Variants in LRBA observed in about 807,000 individuals in gnomAD.
LRBA encodes lipopolysaccharide-responsive and beige-like anchor protein.
A neutral mutation model predicts 330.0 loss-of-function variants in LRBA; 176 were observed. That is an observed-to-expected ratio of 0.53 (90% CI 0.47 to 0.60). The LOEUF (loss-of-function observed/expected upper bound fraction) is 0.60, where lower values mean the gene tolerates loss of function less well. Ranked by LOEUF, LRBA falls within the 20% of genes least tolerant of loss-of-function variation. The probability of loss-of-function intolerance (pLI) is 0.00; values close to 1 mark genes in which losing one functional copy is unlikely to be tolerated. For missense variants in LRBA, 3,259 were observed against 3,444.8 expected (o/e 0.95, Z 1.35); for synonymous variants, 1,230 against 1,193.0 (o/e 1.03, Z -0.64).
intron 28 of LRBA, among the ~76,000 whole-genome samples, chr4:150,837,318 G>A (rs1450219099): frequency 6.6e-6 from 1 of 152,128 alleles, no homozygotes; most frequent in Non-Finnish European, 1.5e-5. Flanking sequence ...GGTCCACTTG[G>A]TGCAGAGCTG....
chr4:150,928,682 T>C, intron 3 of LRBA, 66 bp from the exon 4 acceptor site: 3 of 1,380,600 alleles, frequency 2.2e-6, no homozygotes, highest in East Asian at 4.8e-5. Context: ...TAAAATAAAC[T>C]GTGCTTATTT....
At chr4:150,754,632 T>C (rs970493182) in intron 35 of LRBA, among the ~76,000 whole-genome samples, 17 of 152,020 alleles carry the variant, frequency 1.1e-4, no homozygotes, top group Admixed American at 1.1e-3. Flanking sequence ...AAACAACTGT[T>C]TACAAGATGT....
chr4:150,435,849 C>A (rs1248809894), intron 45 of LRBA, 141 bp from the exon 46 acceptor site: 2 of 491,166 alleles, frequency 4.1e-6, no homozygotes, highest in Non-Finnish European at 7.0e-6. Flanking sequence ...AGAATTATAT[C>A]TAAATTATTA....
intron 14 of LRBA, among the ~76,000 whole-genome samples, chr4:150,899,371 T>C (rs1308800262): frequency 1.3e-5 from 2 of 152,122 alleles, no homozygotes; most frequent in Non-Finnish European, 2.9e-5. Flanking sequence ...GTGAGACAAA[T>C]TCAGTCCTAT....
chr4:150,512,986 G>C (rs1761987860), intron 40 of LRBA, among the ~76,000 whole-genome samples: 1 of 152,122 alleles, frequency 6.6e-6, no homozygotes. Context: ...AAAGTCATAG[G>C]CTATGTTAAG....
At chr4:150,557,677 T>C (rs1219784836) in intron 40 of LRBA, among the ~76,000 whole-genome samples, 1 of 152,162 alleles carries the variant, frequency 6.6e-6, no homozygotes, top group Non-Finnish European at 1.5e-5. Context: ...TGGATTTGTC[T>C]GATGTTCTCA....
At chr4:150,573,501 C>T (rs1770131366) in intron 40 of LRBA, among the ~76,000 whole-genome samples, 1 of 152,198 alleles carries the variant, frequency 6.6e-6, no homozygotes, top group East Asian at 1.9e-4. Context: ...CATTTAAGAC[C>T]TATTTTAGAG....
At chr4:150,451,123 C>T (rs1228912938) in intron 44 of LRBA, among the ~76,000 whole-genome samples, 2 of 152,118 alleles carry the variant, frequency 1.3e-5, no homozygotes, top group African/African-American at 4.8e-5. Context: ...TTGGAGACTT[C>T]AACACTCTTC....
intron 47 of LRBA, among the ~76,000 whole-genome samples, chr4:150,354,515 T>C (rs1561057837): frequency 6.6e-6 from 1 of 151,874 alleles, no homozygotes; most frequent in Non-Finnish European, 1.5e-5. Flanking sequence ...GTAATATTTG[T>C]AAAAAAGAAA....
chr4:150,279,071 C>T (rs1476105979), intron 55 of LRBA, among the ~76,000 whole-genome samples: 1 of 152,136 alleles, frequency 6.6e-6, no homozygotes, highest in Non-Finnish European at 1.5e-5. Context: ...GTGATCCACC[C>T]GCTCGGACTC....
intron 2 of LRBA, among the ~76,000 whole-genome samples, chr4:151,008,894 C>T (rs1317901902): frequency 7.1e-6 from 1 of 141,026 alleles, no homozygotes; most frequent in Admixed American, 7.4e-5. Context: ...TGCTTGAACC[C>T]GGGAGGCGGA....
intron 22 of LRBA, among the ~76,000 whole-genome samples, chr4:150,854,616 T>C (rs1049163195): frequency 2.6e-5 from 4 of 152,206 alleles, no homozygotes; most frequent in Non-Finnish European, 4.4e-5. Context: ...TGAAGAACTG[T>C]TCTGAAAGTC....
At chr4:150,302,845 T>C in intron 52 of LRBA, 53 bp from the exon 53 acceptor site, 1 of 1,340,890 alleles carries the variant, frequency 7.5e-7, no homozygotes, top group African/African-American at 1.5e-5. Flanking sequence ...ATAAAAATTC[T>C]AGTGAACAGA....
At chr4:150,551,473 GTC>G (rs991139355) in intron 40 of LRBA, among the ~76,000 whole-genome samples, 14 of 152,148 alleles carry the variant, frequency 9.2e-5, no homozygotes, top group African/African-American at 3.4e-4. Context: ...GAGCCCAAGA[GTC>G]TGAGACCAGC....
intron 37 of LRBA, among the ~76,000 whole-genome samples, chr4:150,676,930 AC>A (rs1170081865): frequency 6.6e-6 from 1 of 152,194 alleles, no homozygotes; most frequent in Non-Finnish European, 1.5e-5. Context: ...TATCTATAGT[AC>A]ATCTCTTTTC....
At chr4:150,372,051 T>C (rs1188068013) in intron 47 of LRBA, among the ~76,000 whole-genome samples, 1 of 152,228 alleles carries the variant, frequency 6.6e-6, no homozygotes, top group Non-Finnish European at 1.5e-5. Flanking sequence ...TAATAAGCCA[T>C]GTGATTCAAG....
At chr4:151,008,436 G>A (rs771336761) in intron 2 of LRBA, among the ~76,000 whole-genome samples, 1 of 152,006 alleles carries the variant, frequency 6.6e-6, no homozygotes, top group Non-Finnish European at 1.5e-5. Context: ...CTATACTGGG[G>A]ACATTGGTTC....
At chr4:150,774,606 T>C (rs987850441) in intron 34 of LRBA, among the ~76,000 whole-genome samples, 6 of 152,246 alleles carry the variant, frequency 3.9e-5, no homozygotes, top group African/African-American at 1.4e-4. Flanking sequence ...ATAAGGATAA[T>C]TGCCTCATTG....
chr4:150,835,204 G>A (rs1048477957), intron 28 of LRBA, among the ~76,000 whole-genome samples: 4 of 152,146 alleles, frequency 2.6e-5, no homozygotes, highest in Non-Finnish European at 4.4e-5. Flanking sequence ...TTTGGTTACT[G>A]TAGCCTTATA....
Sources: gnomAD v4.1 joint callset for allele counts (sites outside exome capture counted in the v4.1 genomes callset) on GRCh38, gnomAD v4.1.1 for gene constraint, MANE v1.5 for transcripts, NCBI Gene and HGNC (gene_info 2026-07-23, HGNC 2026-07-21) for gene names.